The following SCFD1 variants were observed in gnomAD, a reference collection of about 807,000 sequenced individuals.
SCFD1 encodes sec1 family domain containing 1, also known as sec1 family domain-containing protein 1.
A neutral mutation model predicts 103.2 loss-of-function variants in SCFD1; 37 were observed. The observed-to-expected ratio is 0.36, with a 90% confidence interval of 0.28 to 0.47. The LOEUF (loss-of-function observed/expected upper bound fraction) is 0.47, where lower values mean the gene tolerates loss of function less well. Ranked by LOEUF, SCFD1 falls within the 20% of genes least tolerant of loss-of-function variation. The pLI, the probability that SCFD1 is intolerant of heterozygous loss-of-function variation, is 1.00. For synonymous variants in SCFD1, 264 were observed against 245.0 expected (o/e 1.08, Z -0.73); for missense variants, 639 against 761.2 (o/e 0.84, Z 1.89).
chr14:30,668,280 C>G (rs1189402520), intron 10 of SCFD1, among the ~76,000 whole-genome samples: 1 of 152,036 alleles, frequency 6.6e-6, no homozygotes, highest in African/African-American at 2.4e-5. Flanking sequence ...ACAAACCTGA[C>G]AAAAACAAGA....
chr14:30,663,289 C>T (rs1025334415), intron 10 of SCFD1, among the ~76,000 whole-genome samples: 7 of 152,156 alleles, frequency 4.6e-5, no homozygotes, highest in African/African-American at 1.7e-4. Context: ...TAGTACTTCA[C>T]TAGAAATTCT....
chr14:30,626,825 C>T (rs758166764), intron 1 of SCFD1, among the ~76,000 whole-genome samples: 2 of 152,122 alleles, frequency 1.3e-5, no homozygotes, highest in African/African-American at 2.4e-5. Context: ...CATAAGTATG[C>T]AAATGTATCA....
chr14:30,672,104 T>C (rs545022666), intron 11 of SCFD1, among the ~76,000 whole-genome samples: 1 of 152,266 alleles, frequency 6.6e-6, no homozygotes, highest in Admixed American at 6.5e-5. Flanking sequence ...AATTATTCTC[T>C]GTTAACTCTG....
chr14:30,682,594 G>A (rs1889576920), intron 14 of SCFD1, among the ~76,000 whole-genome samples: 1 of 152,108 alleles, frequency 6.6e-6, no homozygotes, highest in African/African-American at 2.4e-5. Context: ...ATCTTGCAGG[G>A]CACTATACAT....
chr14:30,710,696 C>A (rs1566652492), intron 19 of SCFD1, among the ~76,000 whole-genome samples: 1 of 152,064 alleles, frequency 6.6e-6, no homozygotes, highest in South Asian at 2.1e-4. Context: ...TATGTAAACT[C>A]AGAGAAATCC....
At chr14:30,665,572 A>T (rs939480000) in intron 10 of SCFD1, among the ~76,000 whole-genome samples, 34 of 152,084 alleles carry the variant, frequency 2.2e-4, no homozygotes, top group African/African-American at 7.5e-4. Context: ...TGGGCTAAAT[A>T]CCCCAATTAA....
intron 16 of SCFD1, among the ~76,000 whole-genome samples, chr14:30,700,557 C>T (rs1891011924): frequency 6.6e-6 from 1 of 152,056 alleles, no homozygotes; most frequent in Non-Finnish European, 1.5e-5. Flanking sequence ...GCCTGTAATC[C>T]CAGCTGCTGG....
chr14:30,724,469 T>C (rs150687258), intron 23 of SCFD1, among the ~76,000 whole-genome samples: 2,948 of 152,092 alleles, frequency 0.019, 52 homozygotes, highest in Middle Eastern at 0.034. Flanking sequence ...GCCAGATTGG[T>C]CTTGAACTCC....
chr14:30,641,531 G>C (rs1397628596), intron 6 of SCFD1, among the ~76,000 whole-genome samples: 1 of 152,168 alleles, frequency 6.6e-6, no homozygotes, highest in Non-Finnish European at 1.5e-5. Flanking sequence ...TTAACTAAAA[G>C]GTTTGAAGTG....
chr14:30,697,880 A>G (rs778168885), intron 15 of SCFD1, among the ~76,000 whole-genome samples: 2 of 152,256 alleles, frequency 1.3e-5, no homozygotes, highest in Non-Finnish European at 2.9e-5. Context: ...TATGTGGCAC[A>G]TGATTCTGAA....
intron 9 of SCFD1, among the ~76,000 whole-genome samples, chr14:30,652,747 C>T (rs989861541): frequency 6.6e-6 from 1 of 152,098 alleles, no homozygotes; most frequent in Non-Finnish European, 1.5e-5. Context: ...TAGTTCACAC[C>T]TGTAATCCTA....
chr14:30,630,740 A>G, intron 3 of SCFD1, 175 bp downstream of exon 3: 1 of 516,076 alleles, frequency 1.9e-6, no homozygotes, highest in Non-Finnish European at 3.4e-6. Flanking sequence ...TTATAATTTC[A>G]GAATTTAAAT....
chr14:30,662,924 T>C (rs151310087), intron 10 of SCFD1, among the ~76,000 whole-genome samples: 2 of 152,298 alleles, frequency 1.3e-5, no homozygotes, highest in East Asian at 3.9e-4. Flanking sequence ...GTTAGGAAAA[T>C]GTGACTGTCA....
At chr14:30,665,229 G>A (rs1887834320) in intron 10 of SCFD1, among the ~76,000 whole-genome samples, 1 of 152,100 alleles carries the variant, frequency 6.6e-6, no homozygotes, top group Non-Finnish European at 1.5e-5. Flanking sequence ...GAGAGTGGGG[G>A]GCAATATTCA....
intron 7 of SCFD1, chr14:30,644,094 AGG>A: frequency 2.4e-6 from 1 of 413,272 alleles, no homozygotes; most frequent in East Asian, 7.4e-5. Context: ...GTGAGAACAT[AGG>A]GTGTTTTGTT....
chr14:30,692,393 C>T (rs1007849764), intron 14 of SCFD1, among the ~76,000 whole-genome samples: 3 of 152,002 alleles, frequency 2.0e-5, no homozygotes, highest in Admixed American at 2.0e-4. Flanking sequence ...GCTGTTGATA[C>T]ACAGATAAGG....
rs570047582 is a variant in SCFD1 at position 30,630,463 on chromosome 14, G to T, written c.133-14G>T. 41 of 1,481,442 alleles carry T rather than the reference G, an allele frequency of 2.8e-5. No individual in the cohort carries two copies. Among genetic ancestry groups the T allele is most frequent in the Middle Eastern group, 1.7e-4 (1 of 5,802 alleles). 91.8% of individuals were successfully genotyped at this position (1,481,442 alleles called of 1,614,324 possible). ...TGTTCACTGATAATGATGACACATG[G>T]TTTTTTTTAATAGGTACTCATTTAT... On this transcript the variant is annotated splice_polypyrimidine_tract_variant and intron_variant, in intron 2 of 24. Transcript: ENST00000458591.
chr14:30,640,765 A>T (rs1165515939), intron 6 of SCFD1, among the ~76,000 whole-genome samples: 5 of 152,158 alleles, frequency 3.3e-5, no homozygotes, highest in Non-Finnish European at 5.9e-5. Context: ...AAGTGTTTAA[A>T]TAATTCTGTA....
At chr14:30,624,283 A>T (rs909180966) in intron 1 of SCFD1, among the ~76,000 whole-genome samples, 1 of 152,118 alleles carries the variant, frequency 6.6e-6, no homozygotes, top group African/African-American at 2.4e-5. Context: ...AGGTTCTTGC[A>T]CATCTTCCCA....
Sources: allele counts gnomAD v4.1 joint callset (sites outside exome capture counted in the v4.1 genomes callset), GRCh38; gene constraint gnomAD v4.1.1; transcripts MANE v1.5; gene names NCBI Gene and HGNC (gene_info 2026-07-23, HGNC 2026-07-21).